Variants in GRID2 observed in about 807,000 individuals in gnomAD.
GRID2 encodes glutamate receptor ionotropic, delta-2.
In GRID2, 33 loss-of-function variants were observed where a neutral mutation model predicts 114.8. The observed-to-expected ratio is 0.29, with a 90% CI of 0.22 to 0.38. The LOEUF (loss-of-function observed/expected upper bound fraction) is 0.38. GRID2 is among the 10% of genes least tolerant of loss of function. GRID2 has a pLI of 1.00. For missense variants in GRID2, 1,184 were observed against 1,257.7 expected (o/e 0.94, Z 0.89); for synonymous variants, 505 against 449.9 (o/e 1.12, Z -1.55).
intron 14 of GRID2, among the ~76,000 whole-genome samples, chr4:93,682,418 A>C (rs1428951568): frequency 3.1e-4 from 47 of 151,850 alleles, no homozygotes; most frequent in Admixed American, 2.8e-3. Context: ...TGACCCAGCC[A>C]TCCCATTACT....
chr4:93,734,644 C>G (rs960693576), intron 14 of GRID2, among the ~76,000 whole-genome samples: 10 of 151,980 alleles, frequency 6.6e-5, no homozygotes, highest in Admixed American at 2.0e-4. Context: ...CTATCACCGA[C>G]AGCCCAGACA....
At chr4:93,106,857 G>A (rs1732285346) in intron 3 of GRID2, among the ~76,000 whole-genome samples, 1 of 152,084 alleles carries the variant, frequency 6.6e-6, no homozygotes, top group Admixed American at 6.5e-5. Flanking sequence ...CCTGTTGGTG[G>A]GAAGAGTGGT....
intron 8 of GRID2, among the ~76,000 whole-genome samples, chr4:93,257,314 T>C (rs1449389022): frequency 6.6e-6 from 1 of 151,820 alleles, no homozygotes. Flanking sequence ...TTGAGGTAGA[T>C]GAATGATGTA....
At position 93,175,973 on chromosome 4, in the gene GRID2, GC is replaced by G. The variant is rs946804170; in HGVS notation, c.736-31430del. 1.3e-4 allele frequency among the ~76,000 whole-genome samples: 20 copies of G among 152,174 alleles called. 1 individual carries two copies. The highest frequency in any genetic ancestry group is 8.5e-4 in the Admixed American group (13 of 15,282). On this transcript the variant is annotated intron_variant, in intron 4 of 15. Transcript: ENST00000282020. ...TCAGACAGTCATGAGAAATCTTGAG[GC>G]TTTAACTTTGGCTTTTAAACATCTT...
chr4:92,614,244 C>G (rs1021165827), intron 2 of GRID2, among the ~76,000 whole-genome samples: 5 of 151,622 alleles, frequency 3.3e-5, no homozygotes, highest in African/African-American at 1.2e-4. Context: ...TTCCATGAGA[C>G]CAGTTTTCTT....
intron 2 of GRID2, among the ~76,000 whole-genome samples, chr4:93,001,870 G>A (rs1721022731): frequency 6.6e-6 from 1 of 151,114 alleles, no homozygotes; most frequent in Non-Finnish European, 1.5e-5. Flanking sequence ...TGTCTCATGA[G>A]TTCATATTTT....
chr4:92,588,152 C>T (rs1728538680), intron 1 of GRID2, among the ~76,000 whole-genome samples: 1 of 152,074 alleles, frequency 6.6e-6, no homozygotes, highest in East Asian at 1.9e-4. Context: ...AAAGGATTAT[C>T]ACATATTAAA....
chr4:92,359,651 T>C (rs1728519011), intron 1 of GRID2, among the ~76,000 whole-genome samples: 1 of 151,914 alleles, frequency 6.6e-6, no homozygotes, highest in Non-Finnish European at 1.5e-5. Context: ...GCATCTCTGC[T>C]CCAGAAACAT....
At chr4:92,616,257 C>A (rs1306219024) in intron 2 of GRID2, among the ~76,000 whole-genome samples, 1 of 145,994 alleles carries the variant, frequency 6.8e-6, no homozygotes, top group Non-Finnish European at 1.5e-5. Flanking sequence ...ATGTAGGATT[C>A]TTGGTTGACA....
intron 2 of GRID2, among the ~76,000 whole-genome samples, chr4:92,864,893 C>G (rs1303415799): frequency 6.6e-6 from 1 of 152,136 alleles, no homozygotes; most frequent in Non-Finnish European, 1.5e-5. Context: ...GCTTTATTGC[C>G]TAACTAACCC....
chr4:93,666,577 G>A (rs979879611), intron 14 of GRID2, among the ~76,000 whole-genome samples: 1 of 151,962 alleles, frequency 6.6e-6, no homozygotes, highest in African/African-American at 2.4e-5. Flanking sequence ...ATTACATGGT[G>A]GCACTTAGAA....
chr4:93,493,723 C>T (rs1328535726), intron 12 of GRID2, among the ~76,000 whole-genome samples: 2 of 151,594 alleles, frequency 1.3e-5, no homozygotes, highest in Non-Finnish European at 2.9e-5. Context: ...AAGCCTGTCT[C>T]AAATTTTTCA....
At chr4:93,317,364 T>G (rs1338321708) in intron 8 of GRID2, among the ~76,000 whole-genome samples, 3 of 152,014 alleles carry the variant, frequency 2.0e-5, no homozygotes, top group Non-Finnish European at 4.4e-5. Context: ...CATTTTGGCT[T>G]ATTGTACCAT....
chr4:92,675,708 G>T (rs745362307), intron 2 of GRID2, among the ~76,000 whole-genome samples: 1 of 151,816 alleles, frequency 6.6e-6, no homozygotes, highest in Non-Finnish European at 1.5e-5. Flanking sequence ...CCGCCACGAC[G>T]CCTGGCTAAT....
At position 93,626,334 on chromosome 4, in the gene GRID2, C is replaced by G. The variant is rs1742727925; in HGVS notation, c.2259C>G (p.Asp753Glu). 1.2e-6 allele frequency: 2 copies of G among 1,601,180 alleles called. No individual in the cohort carries two copies. Among genetic ancestry groups the G allele is most frequent in the Non-Finnish European group, 1.7e-6 (2 of 1,168,538 alleles). Residue 753 changes from aspartate to glutamate, a missense_variant, in exon 14 of 16, where the codon GAC (aspartate) becomes GAG (glutamate). Asp to Glu is a conservative substitution (Grantham distance 45). This residue lies in a region of GRID2 where 717 missense variants were observed against 796.9 expected (regional missense o/e 0.90). Coordinates refer to ENST00000282020, the MANE Select transcript of GRID2 (RefSeq NM_001510.4). ...TATTGGAATATGTGGCTATCAATGA[C>G]CCAGATTGTTCCTTTTACACCATTG... Reference protein sequence around the residue: ...AAVLEYVAINDPDCSFYTIGN... With the variant: ...AAVLEYVAINEPDCSFYTIGN...
chr4:92,975,389 A>G (rs566059569), intron 2 of GRID2, among the ~76,000 whole-genome samples: 21 of 152,144 alleles, frequency 1.4e-4, no homozygotes, highest in Admixed American at 3.9e-4. Flanking sequence ...CATTGTCATC[A>G]TGGATGGAAC....
chr4:92,525,976 T>C lies in GRID2; in HGVS notation c.89-64155T>C, dbSNP rs567237334. On this transcript the variant is annotated intron_variant, in intron 1 of 15. Coordinates refer to ENST00000282020, the MANE Select transcript of GRID2 (RefSeq NM_001510.4). ...ATAAGTTTTCACAAAGAACGCTCTC[T>C]ATATATTTATACTACCACGGATGAA... Among the ~76,000 whole-genome samples, 8 of 152,234 alleles carry C rather than the reference T, an allele frequency of 5.3e-5. No individual in the cohort carries two copies. The South Asian group carries it at 1.0e-3, about 20-fold the overall frequency.
At chr4:92,637,173 TAAGAA>T (rs1305601824) in intron 2 of GRID2, among the ~76,000 whole-genome samples, 4 of 151,710 alleles carry the variant, frequency 2.6e-5, no homozygotes, top group African/African-American at 7.2e-5. Context: ...ATGCTTGACT[TAAGAA>T]GAGGAAGACA....
chr4:92,928,785 G>A (rs1750015607), intron 2 of GRID2, among the ~76,000 whole-genome samples: 2 of 151,568 alleles, frequency 1.3e-5, no homozygotes. Context: ...ATTTCAAGTG[G>A]CAAAATTTCT....
Sources: gnomAD v4.1 joint callset for allele counts (sites outside exome capture counted in the v4.1 genomes callset) on GRCh38, gnomAD v4.1.1 for gene constraint, gnomAD v4.1.1 regional missense constraint, MANE v1.5 for transcripts, NCBI Gene and HGNC (gene_info 2026-07-23, HGNC 2026-07-21) for gene names.